SYNE2: variants seen among roughly 807,000 people sequenced by gnomAD.
The protein encoded by SYNE2 is spectrin repeat containing nuclear envelope protein 2.
A neutral mutation model predicts 856.3 loss-of-function variants in SYNE2; 431 were observed. That is an observed-to-expected ratio of 0.50 (90% CI 0.47 to 0.55). The LOEUF is 0.55. Ranked by LOEUF, SYNE2 falls within the 20% of genes least tolerant of loss-of-function variation. The pLI, the probability that SYNE2 is intolerant of heterozygous loss-of-function variation, is 0.00. For synonymous variants in SYNE2, 2,923 were observed against 2,872.3 expected, an observed-to-expected ratio of 1.02 and a Z score of -0.56; for missense variants, 8,129 against 8,023.2, an observed-to-expected ratio of 1.01 and a Z score of -0.50.
chr14:64,186,273 C>T lies in SYNE2; in HGVS notation c.17557-151C>T, dbSNP rs939062857. The T allele has an allele frequency of 8.4e-6, 8 of 952,490 alleles. No individual in the cohort carries two copies. In the Admixed American group the frequency reaches 1.5e-4, roughly 18 times the overall value. 59.0% of individuals were successfully genotyped at this position (952,490 alleles called of 1,614,324 possible). ...AACTGGCCAACCACAACTGCAGGCG[C>T]TCGTCTTGGGCTGTTTCCCATTCAG... On this transcript the variant is annotated intron_variant, in intron 96 of 115. Transcript: ENST00000555002.
chr14:64,055,883 A>T (rs2097265117), intron 48 of SYNE2, 61 bp from the exon 49 acceptor site: 1 of 1,344,068 alleles, frequency 7.4e-7, no homozygotes, highest in South Asian at 1.2e-5. Flanking sequence ...AAAACTTAAG[A>T]ATGACAGGAA....
At chr14:64,160,572 G>A (rs914884893) in intron 87 of SYNE2, among the ~76,000 whole-genome samples, 24 of 152,330 alleles carry the variant, frequency 1.6e-4, no homozygotes, top group Non-Finnish European at 3.2e-4. Flanking sequence ...AGACAGTTCT[G>A]ATAAGATTTT....
intron 2 of SYNE2, among the ~76,000 whole-genome samples, chr14:63,927,605 T>A (rs2095686424): frequency 6.6e-6 from 1 of 151,756 alleles, no homozygotes; most frequent in Non-Finnish European, 1.5e-5. Flanking sequence ...ATATAAGACA[T>A]GCCTTTCGGC....
Position 64,051,843 on chromosome 14 carries a change from C to T in SYNE2, c.7930C>T (p.Gln2644Ter). The T allele has an allele frequency of 6.2e-7, 1 of 1,614,066 alleles. No individual in the cohort carries two copies. Among genetic ancestry groups the T allele is most frequent in the Non-Finnish European group, 8.5e-7 (1 of 1,180,024 alleles). Residue 2644 changes from glutamine (Q) to a stop codon, truncating the protein, a stop_gained, in exon 48 of 116, where the codon CAG becomes TAG. Coordinates refer to ENST00000555002, the MANE Select transcript of SYNE2 (RefSeq NM_182914.3). LOFTEE classifies it high-confidence loss of function. ...KVQDTEISLQ[Q>*]QQQHLQLRLK... ...ACAGGACACTGAGATTTCTCTGCAA[C>T]AGCAGCAGCAACATCTACAGTTAAG...
chr14:64,162,325 A>G (rs1168698911), intron 88 of SYNE2, 49 bp downstream of exon 88: 2 of 1,584,020 alleles, frequency 1.3e-6, no homozygotes, highest in African/African-American at 1.3e-5. Context: ...AGCCCAACAG[A>G]TGGGGTAAGG....
intron 92 of SYNE2, 59 bp downstream of exon 92, chr14:64,167,698 G>C (rs1278352571): frequency 6.2e-7 from 1 of 1,611,452 alleles, no homozygotes; most frequent in Non-Finnish European, 8.5e-7. Flanking sequence ...GTCAGGGAAA[G>C]ATAGCTTTAA....
Position 64,219,313 on chromosome 14 carries a change from C to T in SYNE2, c.19763C>T (p.Thr6588Ile), listed in dbSNP as rs752030533. The change falls in exon 110 of 116, where the codon ACT becomes ATT. Residue 6588 changes from threonine to isoleucine, a missense_variant. Thr to Ile is a moderately conservative substitution (Grantham distance 89). Transcript: ENST00000555002. ...QLNSDISAIT[T>I]WLKKTEAELE... The stretch of plus-strand genomic sequence containing the variant: ...AACTCTGATATCAGCGCCATCACTA[C>T]TTGGCTGAAAAAAACTGAAGCAGAG... 6 of 1,613,924 alleles carry T rather than the reference C, an allele frequency of 3.7e-6. No individual in the cohort carries two copies. Among genetic ancestry groups the T allele is most frequent in the Non-Finnish European group, 5.1e-6 (6 of 1,179,998 alleles).
intron 108 of SYNE2, among the ~76,000 whole-genome samples, chr14:64,218,013 A>G (rs1053855750): frequency 2.0e-5 from 3 of 152,232 alleles, no homozygotes; most frequent in Non-Finnish European, 4.4e-5. Flanking sequence ...GGGATAACTA[A>G]AATTCTGTAA....
chr14:63,936,375 A>G (rs2095833578), intron 2 of SYNE2, among the ~76,000 whole-genome samples: 2 of 152,158 alleles, frequency 1.3e-5, no homozygotes, highest in Admixed American at 1.3e-4. Context: ...TAAGTACCCT[A>G]GGGAAAGAGA....
At chr14:63,992,872 T>C (rs2096679584) in intron 21 of SYNE2, among the ~76,000 whole-genome samples, 1 of 152,220 alleles carries the variant, frequency 6.6e-6, no homozygotes, top group South Asian at 2.1e-4. Context: ...GTGCCTTACC[T>C]GCAGCCGGTC....
At chr14:64,068,776 GCTTGAA>G (rs771962373) in intron 51 of SYNE2, among the ~76,000 whole-genome samples, 191 of 143,848 alleles carry the variant, frequency 1.3e-3, no homozygotes, top group Non-Finnish European at 2.4e-3. Context: ...GCAGAGGATT[GCTTGAA>G]CCTAGGGCGT....
At chr14:64,117,242 A>G (rs1361076914) in intron 66 of SYNE2, among the ~76,000 whole-genome samples, 1 of 152,236 alleles carries the variant, frequency 6.6e-6, no homozygotes. Context: ...TTGCAAATAC[A>G]TAATGAGATA....
At chr14:63,931,246 C>G (rs1284074814) in intron 2 of SYNE2, among the ~76,000 whole-genome samples, 1 of 152,124 alleles carries the variant, frequency 6.6e-6, no homozygotes, top group African/African-American at 2.4e-5. Context: ...AACAAATTGC[C>G]TAGGGGTTAT....
At chr14:64,034,394 A>G (rs2097068650) in intron 45 of SYNE2, 1 of 415,120 alleles carries the variant, frequency 2.4e-6, no homozygotes, top group South Asian at 8.9e-5. Context: ...TTTGGAATCC[A>G]GAGAGGCTTT....
intron 1 of SYNE2, among the ~76,000 whole-genome samples, chr14:63,894,469 G>C (rs375402678): frequency 3.2e-4 from 48 of 152,192 alleles, no homozygotes; most frequent in African/African-American, 1.1e-3. Context: ...GGATCCTCCT[G>C]CCGTGGCCTC....
rs370961691 is a variant in SYNE2, at chr14:64,080,452, C to T, written c.11164-4C>T. On this transcript the variant is annotated splice_region_variant and splice_polypyrimidine_tract_variant and intron_variant, in intron 55 of 115. Coordinates refer to ENST00000555002, the MANE Select transcript of SYNE2 (RefSeq NM_182914.3). ...TCAAGTTGACTTACGATTTCCTTCT[C>T]CAGAAAATGTGGGACGAGTTAGATC... is the stretch of plus-strand genomic sequence containing the variant. The T allele has an allele frequency of 2.9e-4, 471 of 1,613,940 alleles. 1 individual carries two copies. Among genetic ancestry groups the T allele is most frequent in the Middle Eastern group, 2.8e-3 (17 of 6,084 alleles).
intron 90 of SYNE2, among the ~76,000 whole-genome samples, chr14:64,166,497 C>T (rs1334242453): frequency 6.6e-6 from 1 of 152,138 alleles, no homozygotes; most frequent in Non-Finnish European, 1.5e-5. Context: ...CTTGCAATGT[C>T]ATGTTCTATC....
At chr14:64,078,377 A>G in intron 54 of SYNE2, 89 bp from the exon 55 acceptor site, 1 of 1,579,348 alleles carries the variant, frequency 6.3e-7, no homozygotes, top group Non-Finnish European at 8.6e-7. Context: ...ACAAGTTAAA[A>G]CAGAGTGACT....
intron 94 of SYNE2, among the ~76,000 whole-genome samples, chr14:64,171,294 C>T (rs1479231786): frequency 1.3e-5 from 2 of 152,300 alleles, no homozygotes; most frequent in Middle Eastern, 6.8e-3. Flanking sequence ...ATGCAATCAT[C>T]GCATATTAAT....
Sources: gnomAD v4.1 joint callset for allele counts (sites outside exome capture counted in the v4.1 genomes callset) on GRCh38, gnomAD v4.1.1 for gene constraint, MANE v1.5 for transcripts, NCBI Gene and HGNC (gene_info 2026-07-23, HGNC 2026-07-21) for gene names.